The following DHX32 variants were observed in gnomAD, a reference collection of about 807,000 sequenced individuals.
DHX32 encodes DEAH-box helicase 32 (putative), also known as putative pre-mRNA-splicing factor ATP-dependent RNA helicase DHX32.
A neutral mutation model predicts 70.0 loss-of-function variants in DHX32; 51 were observed. The observed-to-expected ratio is 0.73, with a 90% CI of 0.58 to 0.92. The LOEUF (loss-of-function observed/expected upper bound fraction) is 0.92, where lower values mean the gene tolerates loss of function less well. DHX32 is among the 40% of genes least tolerant of loss of function. The pLI, the probability that DHX32 is intolerant of heterozygous loss-of-function variation, is 0.00. For synonymous variants in DHX32, 310 were observed against 315.3 expected (o/e 0.98, Z 0.18); for missense variants, 762 against 891.8 (o/e 0.85, Z 1.85).
At chr10:125,850,766 T>C (rs1944080689) in intron 6 of DHX32, among the ~76,000 whole-genome samples, 1 of 152,252 alleles carries the variant, frequency 6.6e-6, no homozygotes, top group Non-Finnish European at 1.5e-5. Flanking sequence ...CAAAGAATCA[T>C]AGATCATACC....
chr10:125,852,984 G>T (rs1394770551), intron 4 of DHX32: 2 of 660,958 alleles, frequency 3.0e-6, no homozygotes, highest in East Asian at 5.2e-5. Context: ...GTTCTCACCT[G>T]ATAGTGCCAT....
intron 10 of DHX32, 86 bp downstream of exon 10, chr10:125,838,120 C>A (rs1854755117): frequency 7.5e-7 from 1 of 1,329,370 alleles, no homozygotes; most frequent in Non-Finnish European, 1.0e-6. Context: ...AACTTTAGAA[C>A]TAAGAATAAA....
chr10:125,848,835 A>G (rs1364896089), intron 6 of DHX32, among the ~76,000 whole-genome samples: 1 of 152,212 alleles, frequency 6.6e-6, no homozygotes, highest in Non-Finnish European at 1.5e-5. Flanking sequence ...TGCATATGTT[A>G]ACTAATTTAT....
At chr10:125,852,988 G>T in intron 4 of DHX32, 2 of 670,686 alleles carry the variant, frequency 3.0e-6, no homozygotes, top group Non-Finnish European at 5.2e-6. Context: ...TCACCTGATA[G>T]TGCCATGTTT....
At chr10:125,879,105 C>G (rs1419491920) in intron 1 of DHX32, among the ~76,000 whole-genome samples, 1 of 144,180 alleles carries the variant, frequency 6.9e-6, no homozygotes, top group African/African-American at 2.6e-5. Context: ...CTCACTGCAG[C>G]CTTGACCTCA....
At chr10:125,841,213 G>A (rs778412229) in intron 7 of DHX32, 109 of 1,584,372 alleles carry the variant, frequency 6.9e-5, no homozygotes, top group Non-Finnish European at 9.2e-5. Context: ...GCTTTTCTAA[G>A]GTCAACTGAA....
In DHX32 at chr10:125,866,828, T is replaced by C. The variant is rs1447617102; in HGVS notation, c.476+162A>G. Among the ~76,000 whole-genome samples the C allele has an allele frequency of 6.6e-6, 1 of 152,226 alleles. No individual in the cohort carries two copies. Among genetic ancestry groups the C allele is most frequent in the African/African-American group, 2.4e-5 (1 of 41,464 alleles). On this transcript the variant is annotated intron_variant, in intron 2 of 10. Transcript: ENST00000284690. The surrounding 1 kb of genome is among the most constrained non-coding windows in gnomAD (Gnocchi z 4.8). ...GACAAGGAATCCCAGATGATGCCAGTGTGGGAAAGCAACTGTTGCTGGCTG... is the reference window on the plus strand; with the variant it reads ...GACAAGGAATCCCAGATGATGCCAGCGTGGGAAAGCAACTGTTGCTGGCTG...
At chr10:125,837,795 A>G (rs535113925) in intron 10 of DHX32, among the ~76,000 whole-genome samples, 8 of 152,180 alleles carry the variant, frequency 5.3e-5, no homozygotes, top group African/African-American at 1.7e-4. Context: ...AATATAAACT[A>G]TGTGGCCCAT....
At position 125,866,945 on chromosome 10, in the gene DHX32, G is replaced by C; in HGVS notation, c.476+45C>G. ...GCTCCTTCAGAATTGTAGAACCTAA[G>C]CCAAGAATCATCAGCAGGGAGCGGA... On this transcript the variant is annotated intron_variant, in intron 2 of 10. Transcript: ENST00000284690. This position sits in a 1 kb window ranked among gnomAD's most constrained non-coding sequence, Gnocchi z 4.8. 1 of 1,572,184 alleles carries C rather than the reference G, an allele frequency of 6.4e-7. No individual in the cohort carries two copies. Among genetic ancestry groups the C allele is most frequent in the Non-Finnish European group, 8.7e-7 (1 of 1,152,454 alleles).
chr10:125,883,128 T>C (rs766203297), upstream of DHX32, among the ~76,000 whole-genome samples: 4 of 152,208 alleles, frequency 2.6e-5, no homozygotes, highest in Non-Finnish European at 4.4e-5. Context: ...ACTGACCACT[T>C]TGAACCCTGA....
intron 1 of DHX32, among the ~76,000 whole-genome samples, chr10:125,876,082 A>G (rs562218837): frequency 6.6e-6 from 1 of 152,332 alleles, no homozygotes; most frequent in Middle Eastern, 3.4e-3. Flanking sequence ...TGGAGGCCCT[A>G]TAACTGGATA....
Position 125,866,774 on chromosome 10 carries a change from G to A in DHX32, c.476+216C>T, listed in dbSNP as rs1344609779. Among the ~76,000 whole-genome samples, 5 of 152,260 alleles carry A rather than the reference G, an allele frequency of 3.3e-5. No homozygotes were observed. Among genetic ancestry groups the A allele is most frequent in the Non-Finnish European group, 7.3e-5 (5 of 68,046 alleles). On this transcript the variant is annotated intron_variant, in intron 2 of 10. Coordinates refer to ENST00000284690, the MANE Select transcript of DHX32 (RefSeq NM_018180.3). The surrounding 1 kb of genome is among the most constrained non-coding windows in gnomAD (Gnocchi z 4.8). Reference sequence around the variant, plus strand: ...CAAGCAAGTTGTTAACTTTTTCCAGGGGATAATGGGAGTCATGGGATACAT... The same window carrying A: ...CAAGCAAGTTGTTAACTTTTTCCAGAGGATAATGGGAGTCATGGGATACAT...
upstream of DHX32, among the ~76,000 whole-genome samples, chr10:125,884,591 C>A (rs1376308517): frequency 6.6e-6 from 1 of 152,142 alleles, no homozygotes; most frequent in African/African-American, 2.4e-5. Flanking sequence ...AACAGACAAC[C>A]TTAACAAGGT....
At chr10:125,876,346 T>C (rs930966397) in intron 1 of DHX32, among the ~76,000 whole-genome samples, 1 of 152,268 alleles carries the variant, frequency 6.6e-6, no homozygotes, top group African/African-American at 2.4e-5. Flanking sequence ...TTCCCTTGTC[T>C]TGATAAATTG....
upstream of DHX32, among the ~76,000 whole-genome samples, chr10:125,884,490 G>A (rs919996747): frequency 3.3e-5 from 5 of 152,174 alleles, no homozygotes; most frequent in African/African-American, 1.2e-4. Context: ...CATGTATATT[G>A]TAGATGGCAC....
chr10:125,838,313 C>CA lies in DHX32; in HGVS notation c.1955dup (p.Ser653ValfsTer17). Reference sequence around the variant, plus strand: ...TCTTCTTGGTGATTGAGTAACCAGACAGGGGATGCAGCTGAGCAACCTGCT... The same window carrying CA: ...TCTTCTTGGTGATTGAGTAACCAGACAAGGGGATGCAGCTGAGCAACCTGCT... On this transcript the variant is annotated frameshift_variant, in exon 10 of 11. Coordinates refer to ENST00000284690, the MANE Select transcript of DHX32 (RefSeq NM_018180.3). LOFTEE classifies it high-confidence loss of function. The CA allele has an allele frequency of 6.2e-7, 1 of 1,613,832 alleles. No individual in the cohort carries two copies.
intron 1 of DHX32, among the ~76,000 whole-genome samples, chr10:125,871,862 CTTTT>C (rs367881568): frequency 6.9e-5 from 9 of 131,242 alleles, no homozygotes; most frequent in Non-Finnish European, 8.1e-5. Context: ...TGCTTCTTTT[CTTTT>C]TTTTTTTTTT....
At chr10:125,875,711 A>C (rs1434264770) in intron 1 of DHX32, among the ~76,000 whole-genome samples, 2 of 152,352 alleles carry the variant, frequency 1.3e-5, no homozygotes, top group East Asian at 3.9e-4. Context: ...CCTTTGCAGA[A>C]ATTGTAACAG....
chr10:125,877,333 G>A (rs774486502), intron 1 of DHX32, among the ~76,000 whole-genome samples: 9 of 149,778 alleles, frequency 6.0e-5, no homozygotes, highest in Non-Finnish European at 1.4e-4. Flanking sequence ...ACTGGCAGCT[G>A]TAAATCAGAT....
Sources: allele counts gnomAD v4.1 joint callset (sites outside exome capture counted in the v4.1 genomes callset), GRCh38; gene constraint gnomAD v4.1.1; non-coding constraint Gnocchi (gnomAD v3.1); transcripts MANE v1.5; gene names NCBI Gene and HGNC (gene_info 2026-07-23, HGNC 2026-07-21).